Variants in PPP2R2C observed in about 807,000 individuals in gnomAD.
PPP2R2C encodes the protein protein phosphatase 2 regulatory subunit Bgamma.
In PPP2R2C, 10 loss-of-function variants were observed where a neutral mutation model predicts 45.3. The ratio of observed to expected loss-of-function variants is 0.22; its 90% CI spans 0.14 to 0.37. The LOEUF (loss-of-function observed/expected upper bound fraction) is 0.37. Ranked by LOEUF, PPP2R2C falls within the 10% of genes least tolerant of loss-of-function variation. PPP2R2C has a pLI of 1.00. For missense variants in PPP2R2C, 308 were observed against 619.7 expected, an observed-to-expected ratio of 0.50 and a Z score of 5.34; for synonymous variants, 257 against 245.4, an observed-to-expected ratio of 1.05 and a Z score of -0.44.
intron 1 of PPP2R2C, among the ~76,000 whole-genome samples, chr4:6,432,282 T>C (rs936647736): frequency 6.6e-6 from 1 of 152,200 alleles, no homozygotes; most frequent in Non-Finnish European, 1.5e-5. Context: ...GTGACCTTTC[T>C]GAGAAACAAG....
chr4:6,455,568 C>A (rs1039866943), intron 1 of PPP2R2C, among the ~76,000 whole-genome samples: 1 of 152,216 alleles, frequency 6.6e-6, no homozygotes, highest in Non-Finnish European at 1.5e-5. Flanking sequence ...ACCTCCACTT[C>A]CCTTCCACTG....
intron 5 of PPP2R2C, chr4:6,349,656 C>T (rs924250859): frequency 8.0e-6 from 7 of 871,830 alleles, no homozygotes; most frequent in African/African-American, 1.8e-5. Context: ...CTGGCCAACA[C>T]AGTAAAACCC....
intron 6 of PPP2R2C, among the ~76,000 whole-genome samples, chr4:6,337,635 AT>A (rs1733083147): frequency 6.6e-6 from 1 of 152,142 alleles, no homozygotes; most frequent in Non-Finnish European, 1.5e-5. Flanking sequence ...TTGCGGGTGG[AT>A]TCAGCCAGAA....
chr4:6,405,544 T>C (rs1224070466), intron 1 of PPP2R2C, among the ~76,000 whole-genome samples: 1 of 152,210 alleles, frequency 6.6e-6, no homozygotes, highest in Non-Finnish European at 1.5e-5. Context: ...GGCAACCCCG[T>C]GCAGAGCAGT....
intron 1 of PPP2R2C, among the ~76,000 whole-genome samples, chr4:6,433,906 C>A (rs1054133976): frequency 6.6e-6 from 1 of 152,202 alleles, no homozygotes; most frequent in Non-Finnish European, 1.5e-5. Flanking sequence ...CTAAGCTGTG[C>A]AGCCTTTGGT....
chr4:6,341,755 A>G (rs1482327050), intron 6 of PPP2R2C, among the ~76,000 whole-genome samples: 1 of 152,168 alleles, frequency 6.6e-6, no homozygotes, highest in African/African-American at 2.4e-5. Flanking sequence ...TGATGGAAGC[A>G]GAGGTTGGAA....
intron 5 of PPP2R2C, among the ~76,000 whole-genome samples, chr4:6,370,380 A>T (rs1235972994): frequency 6.6e-6 from 1 of 152,198 alleles, no homozygotes; most frequent in Non-Finnish European, 1.5e-5. Context: ...CCGCTCAGTG[A>T]GCCCCACACC....
intron 1 of PPP2R2C, among the ~76,000 whole-genome samples, chr4:6,424,551 A>C (rs1719176754): frequency 6.6e-6 from 1 of 152,202 alleles, no homozygotes; most frequent in South Asian, 2.1e-4. Flanking sequence ...CTGTGGATAC[A>C]CAGGGAGGCC....
intron 1 of PPP2R2C, among the ~76,000 whole-genome samples, chr4:6,424,099 C>T (rs565763538): frequency 1.3e-5 from 2 of 152,354 alleles, no homozygotes; most frequent in East Asian, 3.9e-4. Flanking sequence ...GAGGCTCTTC[C>T]TCACAGGGAA....
Position 6,329,597 on chromosome 4 carries a change from C to T in PPP2R2C, c.961-244G>A, listed in dbSNP as rs1732241756. Among the ~76,000 whole-genome samples, 1 of 132,602 alleles carries T rather than the reference C, an allele frequency of 7.5e-6. No homozygotes were observed. Among genetic ancestry groups the T allele is most frequent in the African/African-American group, 4.3e-5 (1 of 23,314 alleles). The allele number at this position is 132,602 out of a possible 152,430, so 87.0% of individuals were successfully genotyped here. A position where few individuals can be genotyped will look rare whatever the true frequency, so the allele number is the denominator to read the frequency against. On this transcript the variant is annotated intron_variant, in intron 7 of 8. Transcript: ENST00000382599. The surrounding 1 kb of genome is among the most constrained non-coding windows in gnomAD (Gnocchi z 5.8). ...CGTGACACAGCCCAATACAGCCCTG[C>T]TCATCTTATCGGGGGGCCCACGACC...
At chr4:6,350,926 C>A in intron 5 of PPP2R2C, 1 of 985,396 alleles carries the variant, frequency 1.0e-6, no homozygotes. Flanking sequence ...TTTGCTACCA[C>A]TGCAAAACGT....
intron 2 of PPP2R2C, among the ~76,000 whole-genome samples, chr4:6,506,435 A>G (rs961708247): frequency 6.6e-6 from 1 of 152,256 alleles, no homozygotes; most frequent in African/African-American, 2.4e-5. Flanking sequence ...AGCTATGCCA[A>G]CATTCCACAA....
intron 2 of PPP2R2C, among the ~76,000 whole-genome samples, chr4:6,529,329 G>A (rs1724318436): frequency 6.6e-6 from 1 of 152,224 alleles, no homozygotes; most frequent in African/African-American, 2.4e-5. Flanking sequence ...CCTCTCCCCT[G>A]CAGCCCTGGC....
At chr4:6,505,092 T>C (rs1308441370) in intron 2 of PPP2R2C, among the ~76,000 whole-genome samples, 1 of 151,998 alleles carries the variant, frequency 6.6e-6, no homozygotes, top group African/African-American at 2.4e-5. Context: ...AATGACTTGA[T>C]CCACTACTGA....
At chr4:6,456,428 G>A (rs147564129) in intron 1 of PPP2R2C, among the ~76,000 whole-genome samples, 96 of 151,840 alleles carry the variant, frequency 6.3e-4, no homozygotes, top group African/African-American at 2.2e-3. Context: ...AACTTAGCTC[G>A]CAGAGTCTGA....
In PPP2R2C at chr4:6,372,537, G is replaced by C. The variant is rs1162516236; in HGVS notation, c.611C>G (p.Thr204Ser). 6.2e-7 allele frequency: 1 copy of C among 1,614,066 alleles called. No individual in the cohort carries two copies. The highest frequency in any genetic ancestry group is 1.3e-5 in the African/African-American group (1 of 74,948). Residue 204 changes from threonine to serine, a missense_variant, in exon 5 of 9, where the codon ACC becomes AGC. Coordinates refer to ENST00000382599, the MANE Select transcript of PPP2R2C (RefSeq NM_020416.4). ...GTGAAGGATACTGAAGCTCCTGTCGGTGATGGCCAGGTGCCAGAGGTTGAT... is the reference window on the plus strand; with the variant it reads ...GTGAAGGATACTGAAGCTCCTGTCGCTGATGGCCAGGTGCCAGAGGTTGAT... ...LRINLWHLAI[T>S]DRSFNIVDIK...
At chr4:6,377,398 G>A (rs909277653) in intron 3 of PPP2R2C, among the ~76,000 whole-genome samples, 2 of 152,144 alleles carry the variant, frequency 1.3e-5, no homozygotes, top group Non-Finnish European at 2.9e-5. Context: ...GCTCATGCCT[G>A]TAATCCCAGC....
At chr4:6,384,221 C>T (rs73206135) in intron 1 of PPP2R2C, 48,008 of 985,316 alleles carry the variant, frequency 0.049, 1,214 homozygotes, top group Non-Finnish European at 0.05. Flanking sequence ...CCCGATGGGG[C>T]GCTGGTTCTT....
At chr4:6,401,021 G>A (rs7441503) in intron 1 of PPP2R2C, among the ~76,000 whole-genome samples, 41,855 of 152,078 alleles carry the variant, frequency 0.28, 6,517 homozygotes, top group East Asian at 0.7. Flanking sequence ...AGTGGCACGT[G>A]GCAGGACATG....
Sources: allele counts gnomAD v4.1 joint callset (sites outside exome capture counted in the v4.1 genomes callset), GRCh38; gene constraint gnomAD v4.1.1; non-coding constraint Gnocchi (gnomAD v3.1); transcripts MANE v1.5; gene names NCBI Gene and HGNC (gene_info 2026-07-23, HGNC 2026-07-21).